NFX1: variants seen among roughly 807,000 people sequenced by gnomAD.
The protein encoded by NFX1 is nuclear transcription factor, X-box binding 1.
Under a neutral mutation model 137.2 loss-of-function variants are expected in NFX1, and 69 were observed. The observed-to-expected ratio is 0.50, with a 90% CI of 0.41 to 0.61. The LOEUF is 0.61. NFX1 is among the 20% of genes least tolerant of loss of function. NFX1 has a pLI of 0.00. For synonymous variants in NFX1, 495 were observed against 474.1 expected (o/e 1.04, Z -0.57); for missense variants, 1,167 against 1,391.0 (o/e 0.84, Z 2.56).
intron 23 of NFX1, among the ~76,000 whole-genome samples, chr9:33,367,992 G>C (rs961584890): frequency 6.6e-6 from 1 of 152,222 alleles, no homozygotes; most frequent in African/African-American, 2.4e-5. Context: ...CCAGCACTTT[G>C]GGAGGCCAAG....
chr9:33,290,734 C>A, intron 1 of NFX1, 137 bp downstream of exon 1: 1 of 788,890 alleles, frequency 1.3e-6, no homozygotes, highest in Non-Finnish European at 2.0e-6. Flanking sequence ...TCGGAAGGGC[C>A]AAGCCCCGCG....
chr9:33,302,692 G>A (rs1439213214), intron 3 of NFX1, among the ~76,000 whole-genome samples: 2 of 148,016 alleles, frequency 1.4e-5, no homozygotes, highest in African/African-American at 5.0e-5. Context: ...TTTTTTGAGA[G>A]GGAGTCTCAC....
At chr9:33,363,940 G>T in intron 19 of NFX1, 70 bp from the exon 20 acceptor site, 1 of 946,544 alleles carries the variant, frequency 1.1e-6, no homozygotes, top group Non-Finnish European at 1.6e-6. Flanking sequence ...GATATAGTAG[G>T]CACTCGGGGT....
intron 9 of NFX1, among the ~76,000 whole-genome samples, chr9:33,324,544 T>G (rs62542724): frequency 0.1 from 15,534 of 152,134 alleles, 931 homozygotes; most frequent in South Asian, 0.18. Flanking sequence ...AGCAAGACCC[T>G]TTCTCAAAGG....
intron 14 of NFX1, among the ~76,000 whole-genome samples, chr9:33,345,086 C>T (rs551969564): frequency 3.3e-4 from 50 of 151,886 alleles, no homozygotes; most frequent in African/African-American, 1.2e-3. Context: ...TGTTTGAATC[C>T]GGGAGGCAGA....
At chr9:33,312,572 C>T (rs1421536362) in intron 6 of NFX1, among the ~76,000 whole-genome samples, 1 of 152,204 alleles carries the variant, frequency 6.6e-6, no homozygotes, top group African/African-American at 2.4e-5. Flanking sequence ...AGACAATTGT[C>T]TAAAAGTACT....
intron 19 of NFX1, among the ~76,000 whole-genome samples, chr9:33,357,888 T>C (rs985502187): frequency 2.0e-5 from 3 of 152,048 alleles, no homozygotes; most frequent in Non-Finnish European, 4.4e-5. Context: ...TTATAATATA[T>C]ACCCAAGAAA....
At chr9:33,355,021 G>A in intron 19 of NFX1, 129 bp downstream of exon 19, 1 of 812,236 alleles carries the variant, frequency 1.2e-6, no homozygotes, top group Non-Finnish European at 1.9e-6. Flanking sequence ...CAAAGAGCAA[G>A]AGAAATGCCG....
intron 6 of NFX1, among the ~76,000 whole-genome samples, chr9:33,312,503 CT>C (rs1821996824): frequency 6.6e-6 from 1 of 152,216 alleles, no homozygotes; most frequent in Non-Finnish European, 1.5e-5. Flanking sequence ...TGAAATAAAA[CT>C]CTTCTTGCAG....
chr9:33,337,904 C>G (rs2118540483), intron 11 of NFX1, among the ~76,000 whole-genome samples: 1 of 152,104 alleles, frequency 6.6e-6, no homozygotes, highest in African/African-American at 2.4e-5. Flanking sequence ...CAAAAATTAG[C>G]CGGGCGTGGT....
intron 19 of NFX1, among the ~76,000 whole-genome samples, chr9:33,358,275 C>T (rs750855291): frequency 6.6e-6 from 1 of 151,982 alleles, no homozygotes; most frequent in Non-Finnish European, 1.5e-5. Flanking sequence ...CAGGTGCCCA[C>T]CACTACACCC....
chr9:33,357,032 C>G (rs1823834458), intron 19 of NFX1, among the ~76,000 whole-genome samples: 1 of 149,612 alleles, frequency 6.7e-6, no homozygotes, highest in South Asian at 2.1e-4. Flanking sequence ...GGTGGCTCAC[C>G]ATGGCCGTAA....
chr9:33,318,882 A>G (rs766976116), intron 8 of NFX1, 28 bp from the exon 9 acceptor site: 92 of 1,614,062 alleles, frequency 5.7e-5, no homozygotes, highest in Non-Finnish European at 7.5e-5. Context: ...TTATGCAACA[A>G]TTATGTAATA....
chr9:33,303,290 G>A (rs371946651), intron 4 of NFX1, 22 bp downstream of exon 4: 2 of 1,600,156 alleles, frequency 1.2e-6, no homozygotes, highest in African/African-American at 2.7e-5. Flanking sequence ...TATATACACT[G>A]GAGTCTCTTT....
chr9:33,335,476 G>A (rs964352378), intron 11 of NFX1, among the ~76,000 whole-genome samples: 5 of 151,812 alleles, frequency 3.3e-5, no homozygotes, highest in African/African-American at 4.8e-5. Flanking sequence ...CATGTAATCC[G>A]CCTGCCTCAG....
rs751076597 is a variant in NFX1, at chr9:33,354,842, C to T, written c.2832-9C>T. ...TCTGACTTTAATTTTTTTTCATTTG[C>T]TTATCAAGGCTGGAGTGTGATGAGG... On this transcript the variant is annotated splice_polypyrimidine_tract_variant and intron_variant, in intron 18 of 23. Coordinates refer to ENST00000379540, the MANE Select transcript of NFX1 (RefSeq NM_002504.6). The T allele has an allele frequency of 3.7e-6, 6 of 1,610,262 alleles. No homozygotes were observed. In the Admixed American group the frequency reaches 5.1e-5, roughly 14 times the overall value.
intron 17 of NFX1, among the ~76,000 whole-genome samples, chr9:33,353,494 T>A (rs1823713084): frequency 1.3e-5 from 2 of 152,042 alleles, no homozygotes; most frequent in Admixed American, 1.3e-4. Context: ...GATGCACACA[T>A]CAGATTGGCT....
At chr9:33,352,931 G>T (rs1305646682) in intron 17 of NFX1, 11 of 513,736 alleles carry the variant, frequency 2.1e-5, no homozygotes, top group African/African-American at 1.7e-4. Context: ...AGGTTTTTTT[G>T]TTTGTTTTGT....
At chr9:33,310,993 A>G (rs1018566462) in intron 5 of NFX1, 113 bp from the exon 6 acceptor site, 151 of 840,860 alleles carry the variant, frequency 1.8e-4, no homozygotes, top group Non-Finnish European at 2.3e-4. Context: ...ATACAAAGAC[A>G]TGTCATAGTA....
Sources: allele counts gnomAD v4.1 joint callset (sites outside exome capture counted in the v4.1 genomes callset), GRCh38; gene constraint gnomAD v4.1.1; transcripts MANE v1.5; gene names NCBI Gene and HGNC (gene_info 2026-07-23, HGNC 2026-07-21).